MPP2: variants seen among roughly 807,000 people sequenced by gnomAD.
MPP2 encodes the protein MAGUK p55 subfamily member 2.
MPP2 carries 42 observed loss-of-function variants against 58.5 expected under a neutral mutation model. That is an observed-to-expected ratio of 0.72 (90% CI 0.56 to 0.93). The LOEUF is 0.93. Among genes scored for constraint, MPP2 ranks in the 40% least tolerant of loss-of-function variants. The pLI is 0.00. For synonymous variants in MPP2, 300 were observed against 307.8 expected (o/e 0.97, Z 0.26); for missense variants, 632 against 760.4 (o/e 0.83, Z 1.99).
intron 4 of MPP2, 23 bp downstream of exon 4, chr17:43,883,180 C>A (rs763429055): frequency 1.3e-6 from 2 of 1,590,658 alleles, no homozygotes; most frequent in South Asian, 2.3e-5. Flanking sequence ...TGCTCCCTCA[C>A]CCCAGCCCTA....
rs1280488993 is a variant in MPP2 at position 43,898,169 on chromosome 17, C to G, written c.150+93G>C. The G allele has an allele frequency of 3.1e-6, 3 of 968,782 alleles. No individual in the cohort carries two copies. The African/African-American group carries it at 4.8e-5, about 16-fold the overall frequency. The allele number at this position is 968,782 out of a possible 1,614,324, so 60.0% of individuals were successfully genotyped here. A position where few individuals can be genotyped will look rare whatever the true frequency, so the allele number is the denominator to read the frequency against. The stretch of plus-strand genomic sequence containing the variant: ...AGGGGGGCCTCTTGTGCCACATGTC[C>G]CATTCCCAAAGCCCTCTGTAGCTAA... On this transcript the variant is annotated intron_variant, in intron 3 of 12. Transcript: ENST00000269095.
Position 43,878,003 on chromosome 17 carries a change from C to A in MPP2, c.1483-20G>T. On this transcript the variant is annotated intron_variant, in intron 12 of 12. Coordinates refer to ENST00000269095, the MANE Select transcript of MPP2 (RefSeq NM_005374.5). ...CGCCTCCTGCCCAGGCACAAGGGGA[C>A]CTCCCTACAGTCAGTGCCCACAACT... 6.2e-7 allele frequency: 1 copy of A among 1,605,496 alleles called. No homozygotes were observed. Among genetic ancestry groups the A allele is most frequent in the Non-Finnish European group, 8.5e-7 (1 of 1,176,564 alleles).
At chr17:43,887,321 C>A (rs1350247218) in intron 3 of MPP2, among the ~76,000 whole-genome samples, 1 of 152,160 alleles carries the variant, frequency 6.6e-6, no homozygotes, top group Non-Finnish European at 1.5e-5. Context: ...GAGATTGAGG[C>A]TGCAGTGAGC....
intron 3 of MPP2, 59 bp downstream of exon 3, chr17:43,898,203 C>G: frequency 7.8e-7 from 1 of 1,284,828 alleles, no homozygotes. Context: ...AATACCCCAT[C>G]CCCTACTGTG....
chr17:43,906,042 G>A, intron 1 of MPP2: 2 of 953,836 alleles, frequency 2.1e-6, no homozygotes, highest in Non-Finnish European at 2.5e-6. Context: ...GAGCAGGGAG[G>A]AGGGATCCCT....
chr17:43,884,320 T>C (rs1053430121), intron 3 of MPP2, among the ~76,000 whole-genome samples: 2 of 152,270 alleles, frequency 1.3e-5, no homozygotes, highest in Admixed American at 6.5e-5. Flanking sequence ...TTTATTCTCC[T>C]CTAATCTAGA....
rs1181344750 is a variant in MPP2, at chr17:43,881,564, T to C, written c.707A>G (p.Tyr236Cys). 7 of 1,613,706 alleles carry C rather than the reference T, an allele frequency of 4.3e-6. No homozygotes were observed. The highest frequency in any genetic ancestry group is 2.2e-5 in the East Asian group (1 of 44,816). The change falls in exon 7 of 13, where the codon TAT becomes TGT. Residue 236 changes from tyrosine (Y) to cysteine (C), a missense_variant. By Grantham distance (194) the Tyr-to-Cys change is radical. Coordinates refer to ENST00000269095, the MANE Select transcript of MPP2 (RefSeq NM_005374.5). The part of the protein sequence containing the change: ...RQVFVKCHFD[Y>C]DPARDSLIPC... Reference sequence around the variant, plus strand: ...GATGAGGCTGTCTCGGGCCGGGTCATAGTCAAAGTGACATTTCACAAATAC... The same window carrying C: ...GATGAGGCTGTCTCGGGCCGGGTCACAGTCAAAGTGACATTTCACAAATAC...
Position 43,900,260 on chromosome 17 carries a change from T to C in MPP2, c.32-1880A>G, listed in dbSNP as rs537193812. 7.2e-5 allele frequency among the ~76,000 whole-genome samples: 11 copies of C among 152,278 alleles called. 1 individual carries two copies. In the East Asian group the frequency reaches 1.5e-3, roughly 21 times the overall value. On this transcript the variant is annotated intron_variant, in intron 2 of 12. Coordinates refer to ENST00000269095, the MANE Select transcript of MPP2 (RefSeq NM_005374.5). Reference sequence around the variant, plus strand: ...CTGAAAGAGGCCAGGGCAGGGACCCTTCCCTTCCTGCCAGGGTATGCCAGA... The same window carrying C: ...CTGAAAGAGGCCAGGGCAGGGACCCCTCCCTTCCTGCCAGGGTATGCCAGA...
intron 1 of MPP2, chr17:43,907,170 C>T (rs1217767888): frequency 5.1e-6 from 5 of 985,300 alleles, no homozygotes; most frequent in Non-Finnish European, 4.8e-6. Flanking sequence ...GCACAGCCCC[C>T]GGGGAGGCCG....
intron 3 of MPP2, among the ~76,000 whole-genome samples, chr17:43,891,470 G>A (rs913221484): frequency 1.3e-5 from 2 of 151,140 alleles, no homozygotes; most frequent in African/African-American, 2.4e-5. Flanking sequence ...AGCCGAGATT[G>A]CACCATTACA....
At chr17:43,892,075 T>C (rs1748689705) in intron 3 of MPP2, among the ~76,000 whole-genome samples, 1 of 152,232 alleles carries the variant, frequency 6.6e-6, no homozygotes, top group South Asian at 2.1e-4. Flanking sequence ...CCACTTGCTG[T>C]GTGCAGCCAA....
intron 2 of MPP2, 44 bp from the exon 3 acceptor site, chr17:43,898,424 G>A (rs745927544): frequency 1.7e-5 from 24 of 1,447,540 alleles, no homozygotes; most frequent in Non-Finnish European, 2.0e-5. Flanking sequence ...TACCAGCTGG[G>A]TACAGAAGAC....
chr17:43,899,903 G>T (rs963156359), intron 2 of MPP2, among the ~76,000 whole-genome samples: 2 of 152,152 alleles, frequency 1.3e-5, no homozygotes, highest in African/African-American at 4.8e-5. Context: ...GCAGAGATGG[G>T]CGAAGGGTAT....
Position 43,904,419 on chromosome 17 carries a change from C to A in MPP2, c.31+11G>T, listed in dbSNP as rs201428156. ...CACTGAAATAAGCTAACATCCTCACCCCCTTCTTACCAGTTTCAGAGTTGG... is the reference window on the plus strand; with the variant it reads ...CACTGAAATAAGCTAACATCCTCACACCCTTCTTACCAGTTTCAGAGTTGG... On this transcript the variant is annotated intron_variant, in intron 2 of 12. Transcript: ENST00000269095. The A allele has an allele frequency of 1.9e-6, 3 of 1,613,610 alleles. No individual in the cohort carries two copies. The Admixed American group carries it at 5.0e-5, about 27-fold the overall frequency.
At chr17:43,903,127 T>C (rs1486498948) in intron 2 of MPP2, among the ~76,000 whole-genome samples, 1 of 151,844 alleles carries the variant, frequency 6.6e-6, no homozygotes, top group Non-Finnish European at 1.5e-5. Flanking sequence ...AATACAAAAA[T>C]TAGCTGGGCA....
chr17:43,884,993 G>A (rs2047306302), intron 3 of MPP2, among the ~76,000 whole-genome samples: 1 of 151,644 alleles, frequency 6.6e-6, no homozygotes, highest in South Asian at 2.1e-4. Flanking sequence ...ATAGTGGTGG[G>A]CGCCTGTAAT....
chr17:43,900,051 GGGA>G, intron 2 of MPP2, among the ~76,000 whole-genome samples: 1 of 152,304 alleles, frequency 6.6e-6, no homozygotes, highest in South Asian at 2.1e-4. Context: ...AACAGGAGTG[GGGA>G]GGAGGGGGCA....
At chr17:43,898,889 T>C (rs946637490) in intron 2 of MPP2, among the ~76,000 whole-genome samples, 6 of 151,838 alleles carry the variant, frequency 4.0e-5, no homozygotes, top group Non-Finnish European at 7.4e-5. Context: ...TGCTTGAACC[T>C]GTGAGGCAGA....
In MPP2 at chr17:43,876,886, A is replaced by G. The variant is rs1434002863; in HGVS notation, c.*921T>C. 6.6e-6 allele frequency: 1 copy of G among 152,590 alleles called. No individual in the cohort carries two copies. Among genetic ancestry groups the G allele is most frequent in the African/African-American group, 2.4e-5 (1 of 41,470 alleles). The allele number at this position is 152,590 out of a possible 1,614,324, so 9.5% of individuals were successfully genotyped here. A position where few individuals can be genotyped will look rare whatever the true frequency, so the allele number is the denominator to read the frequency against. On this transcript the variant is annotated 3_prime_UTR_variant, in exon 13 of 13. Coordinates refer to ENST00000269095, the MANE Select transcript of MPP2 (RefSeq NM_005374.5). Reference sequence around the variant, plus strand: ...CCAGCAGCCCTGATGCAAGTGGGCTACCTGGACCTGGCTAGACAGAAAACC... The same window carrying G: ...CCAGCAGCCCTGATGCAAGTGGGCTGCCTGGACCTGGCTAGACAGAAAACC...
Sources: gnomAD v4.1 joint callset for allele counts (sites outside exome capture counted in the v4.1 genomes callset) on GRCh38, gnomAD v4.1.1 for gene constraint, MANE v1.5 for transcripts, NCBI Gene and HGNC (gene_info 2026-07-23, HGNC 2026-07-21) for gene names.